PUS7: variants seen among roughly 807,000 people sequenced by gnomAD.
PUS7 encodes the protein pseudouridylate synthase 7 homolog.
In PUS7, 48 loss-of-function variants were observed where a neutral mutation model predicts 79.8. That is an observed-to-expected ratio of 0.60 (90% CI 0.48 to 0.76). The LOEUF (loss-of-function observed/expected upper bound fraction) is 0.76, where lower values mean the gene tolerates loss of function less well. Among genes scored for constraint, PUS7 ranks in the 30% least tolerant of loss-of-function variants. The pLI, the probability that PUS7 is intolerant of heterozygous loss-of-function variation, is 0.00. For synonymous variants in PUS7, 286 were observed against 272.2 expected, an observed-to-expected ratio of 1.05 and a Z score of -0.50; for missense variants, 729 against 797.6, an observed-to-expected ratio of 0.91 and a Z score of 1.04.
At chr7:105,496,959 G>A (rs532435425) in intron 5 of PUS7, 4 of 1,219,602 alleles carry the variant, frequency 3.3e-6, no homozygotes, top group Admixed American at 2.4e-5. Flanking sequence ...CTTACCTGCT[G>A]CAGTTCTGAC....
intron 1 of PUS7, among the ~76,000 whole-genome samples, chr7:105,511,193 C>T (rs536137544): frequency 7.2e-6 from 1 of 139,062 alleles, no homozygotes; most frequent in Non-Finnish European, 1.6e-5. Context: ...GCCACTATGC[C>T]CAGCTTATTT....
rs532766513 is a variant in PUS7 at position 105,465,434 on chromosome 7, C to T, written c.1526-20G>A. The T allele has an allele frequency of 1.1e-4, 172 of 1,530,352 alleles. 1 individual carries two copies. In the South Asian group the frequency reaches 1.5e-3, roughly 13 times the overall value. The allele number at this position is 1,530,352 out of a possible 1,614,324, so 94.8% of individuals were successfully genotyped here. A position where few individuals can be genotyped will look rare whatever the true frequency, so the allele number is the denominator to read the frequency against. ...CTGTGGCTGTAAATTCACAAGTGAA[C>T]AATAAATTAAGAAAATAGGCAATAT... On this transcript the variant is annotated intron_variant, in intron 12 of 15. Coordinates refer to ENST00000469408, the MANE Select transcript of PUS7 (RefSeq NM_019042.5).
intron 1 of PUS7, among the ~76,000 whole-genome samples, chr7:105,519,440 A>C (rs777189539): frequency 3.3e-5 from 5 of 152,020 alleles, no homozygotes; most frequent in Non-Finnish European, 7.4e-5. Flanking sequence ...GGGTTTCGCC[A>C]TGTTGGCCAG....
rs868501600 is a variant in PUS7, at chr7:105,517,888, G to A, written c.-33+4164C>T. Among the ~76,000 whole-genome samples the A allele has an allele frequency of 2.0e-4, 31 of 152,314 alleles. 1 individual carries two copies. The highest frequency in any genetic ancestry group is 7.2e-4 in the African/African-American group (30 of 41,572). On this transcript the variant is annotated intron_variant, in intron 1 of 15. Coordinates refer to ENST00000469408, the MANE Select transcript of PUS7 (RefSeq NM_019042.5). ...CAGGCAGCTGGGTGTGGTGTCTCAT[G>A]CCTGTAATCCCAGCACTTTCGGAGT...
intron 1 of PUS7, among the ~76,000 whole-genome samples, chr7:105,514,652 G>T (rs1825824819): frequency 6.6e-6 from 1 of 152,120 alleles, no homozygotes; most frequent in Admixed American, 6.6e-5. Flanking sequence ...TCTAAAAGCT[G>T]TTGGAATCCC....
rs1329464160 is a variant in PUS7 at position 105,491,594 on chromosome 7, T to C, written c.866A>G (p.Tyr289Cys). The C allele has an allele frequency of 6.3e-7, 1 of 1,598,798 alleles. No individual in the cohort carries two copies. Among genetic ancestry groups the C allele is most frequent in the Non-Finnish European group, 8.6e-7 (1 of 1,166,386 alleles). The stretch of plus-strand genomic sequence containing the variant: ...AGCCCTTTTATCTTTGGTTCCCATG[T>C]AGGAGAATATATTTGGCTTGACTCT... The part of the protein sequence containing the change: ...YLRVKPNIFS[Y>C]MGTKDKRAIT... The change falls in exon 7 of 16, where the codon TAC (tyrosine) becomes TGC (cysteine). Residue 289 changes from tyrosine to cysteine, a missense_variant. Transcript: ENST00000469408.
At chr7:105,499,062 C>G (rs1048250364) in intron 5 of PUS7, among the ~76,000 whole-genome samples, 2 of 152,192 alleles carry the variant, frequency 1.3e-5, no homozygotes. Context: ...TCTGTATATA[C>G]TACCTTCCAT....
intron 5 of PUS7, chr7:105,496,995 A>G: frequency 1.7e-6 from 2 of 1,191,636 alleles, no homozygotes; most frequent in Non-Finnish European, 2.2e-6. Context: ...CAGCATAAAG[A>G]GCACAAAAGA....
At chr7:105,476,687 G>A (rs1039207170) in intron 9 of PUS7, among the ~76,000 whole-genome samples, 1 of 152,090 alleles carries the variant, frequency 6.6e-6, no homozygotes, top group Non-Finnish European at 1.5e-5. Flanking sequence ...TCACCATACT[G>A]TTCTCCACAA....
intron 7 of PUS7, among the ~76,000 whole-genome samples, chr7:105,490,346 T>C (rs1824732593): frequency 2.0e-5 from 3 of 152,126 alleles, no homozygotes; most frequent in Admixed American, 2.0e-4. Flanking sequence ...TCTCCCACCA[T>C]TCCTTGCCTC....
chr7:105,511,156 C>T (rs4730092), intron 1 of PUS7, among the ~76,000 whole-genome samples: 57,977 of 149,814 alleles, frequency 0.39, 12,282 homozygotes, highest in East Asian at 0.7. Context: ...CTCAGCCTCC[C>T]AAGTAGCTGG....
chr7:105,520,754 A>T (rs527236498), intron 1 of PUS7, among the ~76,000 whole-genome samples: 1 of 152,044 alleles, frequency 6.6e-6, no homozygotes, highest in East Asian at 1.9e-4. Context: ...AGATATGTTC[A>T]AGGCCGAGTG....
At chr7:105,466,184 TTGGATATATATCCTTC>T (rs1823637304) in intron 12 of PUS7, among the ~76,000 whole-genome samples, 3 of 151,760 alleles carry the variant, frequency 2.0e-5, no homozygotes, top group African/African-American at 7.3e-5. Context: ...AAAATTAAGT[TTGGATATATATCCTTC>T]TGTCTTTTCT....
rs1035599472 is a variant in PUS7, at chr7:105,482,555, CCT to C, written c.921-117_921-116del. On this transcript the variant is annotated intron_variant, in intron 7 of 15. Transcript: ENST00000469408. ...ACAAGATACAGCACACCTATGACCCCCTGAAAGGAAAAGGCACTGCAGCAGGT... is the reference window on the plus strand; with the variant it reads ...ACAAGATACAGCACACCTATGACCCCGAAAGGAAAAGGCACTGCAGCAGGT... 2.6e-6 allele frequency: 3 copies of C among 1,136,220 alleles called. No homozygotes were observed. The African/African-American group carries it at 4.7e-5, about 18-fold the overall frequency. 70.4% of individuals were successfully genotyped at this position (1,136,220 alleles called of 1,614,324 possible).
At chr7:105,520,519 A>T (rs61131839) in intron 1 of PUS7, among the ~76,000 whole-genome samples, 1 of 140,656 alleles carries the variant, frequency 7.1e-6, no homozygotes, top group African/African-American at 2.6e-5. Context: ...AGACTGTCTC[A>T]AAATAAATAA....
At chr7:105,460,126 G>A (rs1467092288) in intron 14 of PUS7, among the ~76,000 whole-genome samples, 1 of 152,030 alleles carries the variant, frequency 6.6e-6, no homozygotes, top group Non-Finnish European at 1.5e-5. Context: ...TTTTAGTAGA[G>A]ATGGCGTTTC....
intron 14 of PUS7, among the ~76,000 whole-genome samples, chr7:105,460,711 G>A (rs1361963621): frequency 1.3e-5 from 2 of 151,152 alleles, no homozygotes; most frequent in East Asian, 2.0e-4. Context: ...AAAATTAGCC[G>A]GACGTGGTAG....
intron 15 of PUS7, among the ~76,000 whole-genome samples, chr7:105,458,961 A>G (rs1563348468): frequency 6.6e-6 from 1 of 152,106 alleles, no homozygotes; most frequent in Non-Finnish European, 1.5e-5. Flanking sequence ...TATCACAACC[A>G]TCTATAACAT....
At chr7:105,492,224 T>C (rs2133179001) in intron 6 of PUS7, among the ~76,000 whole-genome samples, 1 of 152,132 alleles carries the variant, frequency 6.6e-6, no homozygotes, top group East Asian at 1.9e-4. Flanking sequence ...GCTATGATGG[T>C]GCCTGTGAAC....
Sources: allele counts gnomAD v4.1 joint callset (sites outside exome capture counted in the v4.1 genomes callset), GRCh38; gene constraint gnomAD v4.1.1; transcripts MANE v1.5; gene names NCBI Gene and HGNC (gene_info 2026-07-23, HGNC 2026-07-21).